The following ASTN2 variants were observed in gnomAD, a reference collection of about 807,000 sequenced individuals.
ASTN2 encodes the protein astrotactin 2.
ASTN2 carries 54 observed loss-of-function variants against 139.8 expected under a neutral mutation model. The observed-to-expected ratio is 0.39, with a 90% CI of 0.31 to 0.48. ASTN2 has a LOEUF of 0.48. Ranked by LOEUF, ASTN2 falls within the 20% of genes least tolerant of loss-of-function variation. ASTN2 has a pLI of 0.95. For synonymous variants in ASTN2, 756 were observed against 719.5 expected, an observed-to-expected ratio of 1.05 and a Z score of -0.81; for missense variants, 1,565 against 1,725.1, an observed-to-expected ratio of 0.91 and a Z score of 1.64.
At chr9:117,005,519 G>T (rs1837330359) in intron 7 of ASTN2, among the ~76,000 whole-genome samples, 1 of 152,110 alleles carries the variant, frequency 6.6e-6, no homozygotes, top group Non-Finnish European at 1.5e-5. Flanking sequence ...GTACGTGCCT[G>T]CAATGGAAAT....
At chr9:116,587,066 C>G (rs538455207) in intron 19 of ASTN2, among the ~76,000 whole-genome samples, 1 of 152,044 alleles carries the variant, frequency 6.6e-6, no homozygotes, top group Non-Finnish European at 1.5e-5. Context: ...CTGGGCCAAG[C>G]GTGGTGGCTC....
rs574995845 is a variant in ASTN2 at position 116,934,209 on chromosome 9, G to A, written c.1889+40999C>T. 2.0e-5 allele frequency among the ~76,000 whole-genome samples: 3 copies of A among 151,936 alleles called. No homozygotes were observed. The East Asian group carries it at 5.8e-4, about 29-fold the overall frequency. Reference sequence around the variant, plus strand: ...AGCTACTGCTCCAAAGAGGTGCCTCGATGCCTTGGATCAAAGAAGCCCGAT... The same window carrying A: ...AGCTACTGCTCCAAAGAGGTGCCTCAATGCCTTGGATCAAAGAAGCCCGAT... On this transcript the variant is annotated intron_variant, in intron 10 of 22. Coordinates refer to ENST00000313400, the MANE Select transcript of ASTN2 (RefSeq NM_001365068.1).
intron 1 of ASTN2, among the ~76,000 whole-genome samples, chr9:117,352,407 T>C (rs1166457589): frequency 6.6e-6 from 1 of 152,156 alleles, no homozygotes; most frequent in Non-Finnish European, 1.5e-5. Context: ...TCCTACACAT[T>C]AAACACACAG....
intron 4 of ASTN2, among the ~76,000 whole-genome samples, chr9:117,123,505 G>A (rs1829611640): frequency 6.6e-6 from 1 of 152,110 alleles, no homozygotes; most frequent in African/African-American, 2.4e-5. Flanking sequence ...ATATTGTGAA[G>A]TACAGTTAGA....
At chr9:117,327,193 G>A (rs769006691) in intron 1 of ASTN2, among the ~76,000 whole-genome samples, 1 of 152,116 alleles carries the variant, frequency 6.6e-6, no homozygotes, top group South Asian at 2.1e-4. Flanking sequence ...GTAATTGCTC[G>A]CTGCCCACTG....
At chr9:117,230,051 C>T in intron 2 of ASTN2, among the ~76,000 whole-genome samples, 1 of 151,540 alleles carries the variant, frequency 6.6e-6, no homozygotes, top group East Asian at 1.9e-4. Context: ...CACATCTAGC[C>T]CCAGCTACTC....
intron 17 of ASTN2, among the ~76,000 whole-genome samples, chr9:116,624,408 C>T (rs375889495): frequency 1.3e-5 from 2 of 152,086 alleles, no homozygotes; most frequent in African/African-American, 2.4e-5. Flanking sequence ...TCAAAGGATC[C>T]GTGGCTTATT....
intron 13 of ASTN2, among the ~76,000 whole-genome samples, chr9:116,746,325 A>G (rs186580629): frequency 2.6e-5 from 4 of 152,072 alleles, no homozygotes; most frequent in African/African-American, 9.6e-5. Flanking sequence ...TGATCTCGTG[A>G]TCTGCCTGTC....
intron 2 of ASTN2, among the ~76,000 whole-genome samples, chr9:117,223,027 A>G (rs1588102113): frequency 6.6e-6 from 1 of 152,356 alleles, no homozygotes; most frequent in Admixed American, 6.5e-5. Flanking sequence ...GAATAAGATA[A>G]TAAGAAAGTT....
chr9:117,198,855 T>C (rs887925516), intron 3 of ASTN2, among the ~76,000 whole-genome samples: 2 of 152,210 alleles, frequency 1.3e-5, no homozygotes, highest in Non-Finnish European at 2.9e-5. Context: ...TGGTATCTCA[T>C]TGTGGTTTTG....
intron 16 of ASTN2, among the ~76,000 whole-genome samples, chr9:116,661,851 C>T (rs62574161): frequency 0.15 from 22,616 of 151,470 alleles, 1,786 homozygotes; most frequent in Middle Eastern, 0.2. Flanking sequence ...CATCACACAC[C>T]GGGGCCTGTT....
chr9:117,030,759 G>GA (rs376881436), intron 6 of ASTN2, among the ~76,000 whole-genome samples: 160 of 129,632 alleles, frequency 1.2e-3, no homozygotes, highest in Non-Finnish European at 1.4e-3. Context: ...GAGATTTGAA[G>GA]AAAAAAAAAA....
intron 11 of ASTN2, among the ~76,000 whole-genome samples, chr9:116,841,947 T>C (rs994921433): frequency 2.0e-5 from 3 of 152,146 alleles, no homozygotes; most frequent in African/African-American, 7.2e-5. Context: ...AACTCAGAGG[T>C]CAGGTGAGCT....
chr9:116,607,278 T>C (rs1021377108), intron 19 of ASTN2, among the ~76,000 whole-genome samples: 2 of 152,144 alleles, frequency 1.3e-5, no homozygotes, highest in African/African-American at 4.8e-5. Context: ...ACAGGCACTG[T>C]GGGGAAACCC....
chr9:116,826,902 T>C (rs1168801301), intron 11 of ASTN2, among the ~76,000 whole-genome samples: 1 of 152,166 alleles, frequency 6.6e-6, no homozygotes, highest in Admixed American at 6.5e-5. Flanking sequence ...GAAAACACAG[T>C]ATCTCAACAT....
intron 16 of ASTN2, among the ~76,000 whole-genome samples, chr9:116,721,149 T>C (rs1225503171): frequency 6.6e-6 from 1 of 152,200 alleles, no homozygotes; most frequent in African/African-American, 2.4e-5. Flanking sequence ...TGCTCTATTT[T>C]CTTATTCCAT....
chr9:116,769,186 G>A lies in ASTN2; in HGVS notation c.2397-35663C>T, dbSNP rs145005500. Among the ~76,000 whole-genome samples, 18 of 152,320 alleles carry A rather than the reference G, an allele frequency of 1.2e-4. No individual in the cohort carries two copies. In the East Asian group the frequency reaches 3.5e-3, roughly 29 times the overall value. On this transcript the variant is annotated intron_variant, in intron 13 of 22. Transcript: ENST00000313400. ...CTAAAGAGGCAAAAGAAAACCAGAA[G>A]TGTACTATACAGAGAAGTCAGGGAA... is the stretch of plus-strand genomic sequence containing the variant.
At chr9:117,067,548 G>T (rs374154990) in intron 5 of ASTN2, among the ~76,000 whole-genome samples, 3 of 142,784 alleles carry the variant, frequency 2.1e-5, no homozygotes, top group Non-Finnish European at 3.1e-5. Flanking sequence ...GTGAAGAAAG[G>T]CATTGGTAGC....
At chr9:116,563,192 G>A (rs981698355) in intron 19 of ASTN2, among the ~76,000 whole-genome samples, 2 of 151,984 alleles carry the variant, frequency 1.3e-5, no homozygotes, top group Non-Finnish European at 1.5e-5. Context: ...TGGCTAACAC[G>A]GTGAAACCCC....
Sources: gnomAD v4.1 joint callset for allele counts (sites outside exome capture counted in the v4.1 genomes callset) on GRCh38, gnomAD v4.1.1 for gene constraint, MANE v1.5 for transcripts, NCBI Gene and HGNC (gene_info 2026-07-23, HGNC 2026-07-21) for gene names.